WWOX: variants seen among roughly 807,000 people sequenced by gnomAD.
WWOX encodes WW domain containing oxidoreductase, also known as WW domain-containing oxidoreductase.
WWOX carries 69 observed loss-of-function variants against 46.2 expected under a neutral mutation model. That is an observed-to-expected ratio of 1.49 (90% CI 1.23 to 1.82). The LOEUF (loss-of-function observed/expected upper bound fraction) is 1.82, where lower values mean the gene tolerates loss of function less well. Among genes scored for constraint, WWOX ranks in the 40% most tolerant of loss-of-function variants. The pLI, the probability that WWOX is intolerant of heterozygous loss-of-function variation, is 0.00. For synonymous variants in WWOX, 359 were observed against 202.6 expected (o/e 1.77, Z -6.56); for missense variants, 919 against 542.6 (o/e 1.69, Z -6.89).
chr16:78,995,507 C>T (rs368065830), intron 8 of WWOX, among the ~76,000 whole-genome samples: 3 of 151,922 alleles, frequency 2.0e-5, no homozygotes, highest in African/African-American at 7.3e-5. Flanking sequence ...GGAACCCAAG[C>T]TGGAACTTGG....
At chr16:79,165,787 T>G (rs1452161559) in intron 8 of WWOX, among the ~76,000 whole-genome samples, 1 of 152,228 alleles carries the variant, frequency 6.6e-6, no homozygotes, top group East Asian at 1.9e-4. Flanking sequence ...ACAGGCAGGC[T>G]TGGCTTCTCC....
chr16:79,129,517 G>T (rs1474471735), intron 8 of WWOX, among the ~76,000 whole-genome samples: 1 of 151,514 alleles, frequency 6.6e-6, no homozygotes, highest in Non-Finnish European at 1.5e-5. Context: ...TTAAGCTGCA[G>T]AAAATGGCGG....
Position 79,069,173 on chromosome 16 carries a change from A to G in WWOX, c.1057-142435A>G, listed in dbSNP as rs551977124. 6.6e-5 allele frequency among the ~76,000 whole-genome samples: 10 copies of G among 152,324 alleles called. No homozygotes were observed. In the South Asian group the frequency reaches 2.1e-3, roughly 32 times the overall value. On this transcript the variant is annotated intron_variant, in intron 8 of 8. Transcript: ENST00000566780. Reference sequence around the variant, plus strand: ...CGCTGCGCTTGGCGAAGGTAAATGCACCTGGGTATCCTCTTGACCTGGAAT... The same window carrying G: ...CGCTGCGCTTGGCGAAGGTAAATGCGCCTGGGTATCCTCTTGACCTGGAAT...
chr16:79,052,927 A>T (rs1966515), intron 8 of WWOX, among the ~76,000 whole-genome samples: 32,342 of 131,560 alleles, frequency 0.25, 4,037 homozygotes, highest in East Asian at 0.35. Flanking sequence ...AGTTGATCTC[A>T]CTGATTCATG....
At chr16:79,068,084 G>A (rs1015652707) in intron 8 of WWOX, among the ~76,000 whole-genome samples, 28 of 152,216 alleles carry the variant, frequency 1.8e-4, no homozygotes, top group African/African-American at 6.3e-4. Flanking sequence ...GTGCACAGGG[G>A]ATGGGAGGGG....
intron 8 of WWOX, among the ~76,000 whole-genome samples, chr16:78,912,250 A>C (rs1378966804): frequency 8.6e-5 from 13 of 152,024 alleles, no homozygotes; most frequent in Non-Finnish European, 1.8e-4. Flanking sequence ...TATCATTAAC[A>C]CAGGTAATCA....
At chr16:78,795,656 A>AT (rs1171508044) in intron 8 of WWOX, among the ~76,000 whole-genome samples, 1 of 152,082 alleles carries the variant, frequency 6.6e-6, no homozygotes, top group Non-Finnish European at 1.5e-5. Context: ...TTGAATTTTT[A>AT]TTTTTTTATT....
chr16:78,756,503 T>C (rs1371430161), intron 8 of WWOX, among the ~76,000 whole-genome samples: 4 of 152,174 alleles, frequency 2.6e-5, no homozygotes, highest in African/African-American at 9.6e-5. Context: ...AGATGGACTT[T>C]AGCCAGAACA....
intron 6 of WWOX, among the ~76,000 whole-genome samples, chr16:78,397,108 G>A (rs1002598939): frequency 6.6e-6 from 1 of 152,128 alleles, no homozygotes; most frequent in African/African-American, 2.4e-5. Flanking sequence ...TCAATTCTTT[G>A]AAGAAACTCC....
At chr16:78,614,591 G>C (rs2045977345) in intron 8 of WWOX, among the ~76,000 whole-genome samples, 1 of 152,204 alleles carries the variant, frequency 6.6e-6, no homozygotes, top group African/African-American at 2.4e-5. Flanking sequence ...TCAGGGGAAT[G>C]TGTGGGTCTT....
At chr16:78,154,492 T>G (rs2034529764) in intron 4 of WWOX, among the ~76,000 whole-genome samples, 1 of 59,650 alleles carries the variant, frequency 1.7e-5, no homozygotes, top group South Asian at 5.9e-4. Flanking sequence ...GATCTTTTTT[T>G]TTTTTTTTTT....
intron 8 of WWOX, among the ~76,000 whole-genome samples, chr16:78,930,827 C>G (rs1250415358): frequency 1.3e-5 from 2 of 152,112 alleles, no homozygotes; most frequent in African/African-American, 4.8e-5. Flanking sequence ...GTTCATAGGT[C>G]AGTCGCTATG....
chr16:79,083,395 A>T (rs2048796693), intron 8 of WWOX, among the ~76,000 whole-genome samples: 1 of 152,106 alleles, frequency 6.6e-6, no homozygotes, highest in Non-Finnish European at 1.5e-5. Context: ...TCCCTGAGTG[A>T]CCACAGTCAA....
intron 8 of WWOX, among the ~76,000 whole-genome samples, chr16:78,658,515 C>G (rs1327375311): frequency 6.6e-6 from 1 of 152,144 alleles, no homozygotes; most frequent in Non-Finnish European, 1.5e-5. Context: ...CACCTGACAT[C>G]GAGGTGTTGG....
intron 6 of WWOX, among the ~76,000 whole-genome samples, chr16:78,413,194 C>G (rs116320638): frequency 6.6e-6 from 1 of 152,116 alleles, no homozygotes; most frequent in African/African-American, 2.4e-5. Flanking sequence ...ATCAATCTCC[C>G]CGAGAATTCA....
rs550515436 is a variant in WWOX, at chr16:78,361,038, G to C, written c.517-25822G>C. On this transcript the variant is annotated intron_variant, in intron 5 of 8. Coordinates refer to ENST00000566780, the MANE Select transcript of WWOX (RefSeq NM_016373.4). ...GGGTTTCATCATGTTGCACAGGCTG[G>C]TTTTGAGCTCCTGGGCTCAAGAAAT... 2.0e-5 allele frequency among the ~76,000 whole-genome samples: 3 copies of C among 152,242 alleles called. No homozygotes were observed. In the South Asian group the frequency reaches 6.2e-4, roughly 32 times the overall value.
chr16:78,426,686 A>G (rs1283851461), intron 7 of WWOX, among the ~76,000 whole-genome samples: 2 of 152,196 alleles, frequency 1.3e-5, no homozygotes, highest in Admixed American at 1.3e-4. Context: ...ATTATTTGAC[A>G]TGGAGTCTTG....
At chr16:78,582,301 C>T (rs1183127629) in intron 8 of WWOX, among the ~76,000 whole-genome samples, 1 of 152,128 alleles carries the variant, frequency 6.6e-6, no homozygotes, top group African/African-American at 2.4e-5. Flanking sequence ...TTATGTTACG[C>T]TTGTCATCTG....
At chr16:78,242,999 C>T (rs1158053607) in intron 5 of WWOX, among the ~76,000 whole-genome samples, 1 of 152,012 alleles carries the variant, frequency 6.6e-6, no homozygotes, top group Non-Finnish European at 1.5e-5. Flanking sequence ...CAGAGGGAGA[C>T]TGTCTCAAAA....
Sources: gnomAD v4.1 joint callset for allele counts (sites outside exome capture counted in the v4.1 genomes callset) on GRCh38, gnomAD v4.1.1 for gene constraint, MANE v1.5 for transcripts, NCBI Gene and HGNC (gene_info 2026-07-23, HGNC 2026-07-21) for gene names.